Variants in RNF216 observed in about 807,000 individuals in gnomAD.
RNF216 encodes ring finger protein 216.
RNF216 carries 72 observed loss-of-function variants against 110.8 expected under a neutral mutation model. The observed-to-expected ratio is 0.65, with a 90% CI of 0.54 to 0.79. The LOEUF (loss-of-function observed/expected upper bound fraction) is 0.79. RNF216 is among the 30% of genes least tolerant of loss of function. The pLI, the probability that RNF216 is intolerant of heterozygous loss-of-function variation, is 0.00. For missense variants in RNF216, 1,342 were observed against 1,141.2 expected (o/e 1.18, Z -2.54); for synonymous variants, 495 against 407.5 (o/e 1.21, Z -2.59).
intron 6 of RNF216, 23 bp from the exon 7 acceptor site, chr7:5,729,619 A>T: frequency 1.2e-6 from 2 of 1,602,758 alleles, no homozygotes; most frequent in Non-Finnish European, 1.7e-6. Context: ...AGAAGCATAA[A>T]ATCAGAGGCC....
In RNF216 at chr7:5,631,928, C is replaced by A. The variant is rs185969513; in HGVS notation, c.2383-7803G>T. Among the ~76,000 whole-genome samples, 111 of 152,304 alleles carry A rather than the reference C, an allele frequency of 7.3e-4. 1 individual carries two copies. Among genetic ancestry groups the A allele is most frequent in the South Asian group, 3.1e-3 (15 of 4,824 alleles). On this transcript the variant is annotated intron_variant, in intron 15 of 16. Transcript: ENST00000389902. Reference sequence around the variant, plus strand: ...TGTACGGATTGCTTAGCTCACACCCCCTTCTCCACGCCACGGGAGGCTGGC... The same window carrying A: ...TGTACGGATTGCTTAGCTCACACCCACTTCTCCACGCCACGGGAGGCTGGC...
chr7:5,627,743 C>CT (rs200978705), intron 15 of RNF216, among the ~76,000 whole-genome samples: 1,977 of 148,168 alleles, frequency 0.013, 43 homozygotes, highest in African/African-American at 0.047. Context: ...GAGACTCTGT[C>CT]TAAAAAAAAA....
intron 6 of RNF216, among the ~76,000 whole-genome samples, chr7:5,730,458 G>A (rs761606720): frequency 2.7e-4 from 41 of 152,200 alleles, no homozygotes; most frequent in Non-Finnish European, 4.9e-4. Context: ...TGGAGAATTC[G>A]TTCAATTCTT....
intron 13 of RNF216, among the ~76,000 whole-genome samples, chr7:5,693,454 G>A (rs554389445): frequency 6.6e-6 from 1 of 152,304 alleles, no homozygotes; most frequent in East Asian, 1.9e-4. Context: ...CTGCTGATGG[G>A]TATTGCATTG....
chr7:5,759,425 T>A (rs1795814138), intron 2 of RNF216, among the ~76,000 whole-genome samples: 1 of 152,168 alleles, frequency 6.6e-6, no homozygotes, highest in Non-Finnish European at 1.5e-5. Context: ...AATGGTCCAC[T>A]TCCACTTAAG....
chr7:5,726,028 G>C (rs1027083465), intron 7 of RNF216, among the ~76,000 whole-genome samples: 15 of 152,114 alleles, frequency 9.9e-5, no homozygotes, highest in Admixed American at 2.0e-4. Context: ...TGTAATCCTA[G>C]CACTGTGGGA....
At chr7:5,726,844 C>T (rs974515825) in intron 7 of RNF216, among the ~76,000 whole-genome samples, 20 of 148,890 alleles carry the variant, frequency 1.3e-4, no homozygotes, top group Non-Finnish European at 2.2e-4. Flanking sequence ...GGCGACAGAG[C>T]GTGACTCTGT....
chr7:5,699,079 T>C (rs1324943181), intron 13 of RNF216, among the ~76,000 whole-genome samples: 4 of 152,126 alleles, frequency 2.6e-5, no homozygotes, highest in African/African-American at 4.8e-5. Context: ...ATTTTAAACA[T>C]ATACAAAAGC....
chr7:5,659,952 A>ATTTT (rs36099512), intron 13 of RNF216, among the ~76,000 whole-genome samples: 1 of 132,836 alleles, frequency 7.5e-6, no homozygotes. Flanking sequence ...ACATTCATTA[A>ATTTT]TTTTTTTTTT....
chr7:5,750,301 T>C (rs903802626), intron 3 of RNF216, among the ~76,000 whole-genome samples: 1 of 152,184 alleles, frequency 6.6e-6, no homozygotes, highest in Non-Finnish European at 1.5e-5. Context: ...ATGTCTGCCC[T>C]GGTTTGGTTT....
intron 5 of RNF216, among the ~76,000 whole-genome samples, chr7:5,731,745 C>T (rs1266817781): frequency 6.6e-6 from 1 of 151,330 alleles, no homozygotes; most frequent in Non-Finnish European, 1.5e-5. Context: ...GCTATACCTG[C>T]AGTTCTCACA....
At chr7:5,725,746 A>T (rs1271967734) in intron 7 of RNF216, among the ~76,000 whole-genome samples, 1 of 149,146 alleles carries the variant, frequency 6.7e-6, no homozygotes. Flanking sequence ...GCTACTCAGG[A>T]GGCTGCGGCA....
At position 5,775,983 on chromosome 7, in the gene RNF216, G is replaced by A. The variant is rs147640073; in HGVS notation, c.-70+5558C>T. On this transcript the variant is annotated intron_variant, in intron 1 of 16. Coordinates refer to ENST00000389902, the MANE Select transcript of RNF216 (RefSeq NM_207111.4). ...CTCTTCCCAGCATGTTTTTAAAAATGTCTATAAACGATTGTTTTTCATTCA... is the reference window on the plus strand; with the variant it reads ...CTCTTCCCAGCATGTTTTTAAAAATATCTATAAACGATTGTTTTTCATTCA... Among the ~76,000 whole-genome samples, 70 of 152,228 alleles carry A rather than the reference G, an allele frequency of 4.6e-4. 1 individual carries two copies. Among genetic ancestry groups the A allele is most frequent in the East Asian group, 1.7e-3 (9 of 5,188 alleles).
rs547890724 is a variant in RNF216, at chr7:5,685,437, G to A, written c.2061+26324C>T. ...CCAGGGTGTAAGGGAGGATTGTTGGGAGGGCAGGGCTATAGAAATTGTTCT... is the reference window on the plus strand; with the variant it reads ...CCAGGGTGTAAGGGAGGATTGTTGGAAGGGCAGGGCTATAGAAATTGTTCT... On this transcript the variant is annotated intron_variant, in intron 13 of 16. Coordinates refer to ENST00000389902, the MANE Select transcript of RNF216 (RefSeq NM_207111.4). Among the ~76,000 whole-genome samples, 26 of 152,324 alleles carry A rather than the reference G, an allele frequency of 1.7e-4. 1 individual carries two copies. In the South Asian group the frequency reaches 5.4e-3, roughly 32 times the overall value.
intron 13 of RNF216, among the ~76,000 whole-genome samples, chr7:5,679,896 G>C (rs1790541085): frequency 6.6e-6 from 1 of 152,180 alleles, no homozygotes; most frequent in South Asian, 2.1e-4. Context: ...GGGCAGGTGA[G>C]CCAGGCGGCT....
rs59440013 is a variant in RNF216, at chr7:5,644,827, C to CTT, written c.2160-3453_2160-3452dup. On this transcript the variant is annotated intron_variant, in intron 14 of 16. Coordinates refer to ENST00000389902, the MANE Select transcript of RNF216 (RefSeq NM_207111.4). ...GGCTGTTTGCCTATTTTCTTTTTTT[C>CTT]TTTTTTTTTTTTTTTGAAACGGAGT... is the stretch of plus-strand genomic sequence containing the variant. 6.5e-4 allele frequency among the ~76,000 whole-genome samples: 88 copies of CTT among 135,928 alleles called. 2 individuals are homozygous for CTT. Among genetic ancestry groups the CTT allele is most frequent in the African/African-American group, 2.1e-3 (77 of 35,824 alleles). 89.2% of individuals were successfully genotyped at this position (135,928 alleles called of 152,430 possible). A position where few individuals can be genotyped will look rare whatever the true frequency, so the allele number is the denominator to read the frequency against.
chr7:5,717,321 C>G (rs916302901), intron 9 of RNF216, among the ~76,000 whole-genome samples: 1 of 152,214 alleles, frequency 6.6e-6, no homozygotes, highest in Admixed American at 6.5e-5. Flanking sequence ...CCATTGCACT[C>G]TAGCCCGGGC....
At chr7:5,780,835 T>C (rs1450436976) in intron 1 of RNF216, among the ~76,000 whole-genome samples, 1 of 152,236 alleles carries the variant, frequency 6.6e-6, no homozygotes, top group Non-Finnish European at 1.5e-5. Flanking sequence ...CAGAAATTTC[T>C]GTAACCCGCA....
chr7:5,735,744 A>T (rs1794358148), intron 5 of RNF216, among the ~76,000 whole-genome samples: 1 of 152,148 alleles, frequency 6.6e-6, no homozygotes. Flanking sequence ...ATGGCCTGGT[A>T]GTGTACACTC....
Sources: allele counts gnomAD v4.1 joint callset (sites outside exome capture counted in the v4.1 genomes callset), GRCh38; gene constraint gnomAD v4.1.1; transcripts MANE v1.5; gene names NCBI Gene and HGNC (gene_info 2026-07-23, HGNC 2026-07-21).